Variants in SUN5 observed in about 807,000 individuals in gnomAD.
The protein encoded by SUN5 is SUN domain-containing protein 5.
A neutral mutation model predicts 53.7 loss-of-function variants in SUN5; 44 were observed. That is an observed-to-expected ratio of 0.82 (90% CI 0.64 to 1.05). The LOEUF (loss-of-function observed/expected upper bound fraction) is 1.05, where lower values mean the gene tolerates loss of function less well. SUN5 is among the 50% of genes least tolerant of loss of function. SUN5 has a pLI of 0.00. For synonymous variants in SUN5, 166 were observed against 179.8 expected (o/e 0.92, Z 0.62); for missense variants, 433 against 483.8 (o/e 0.90, Z 0.98).
At chr20:32,989,562 G>A (rs759541894) in intron 9 of SUN5, 58 bp downstream of exon 9, 10 of 1,495,732 alleles carry the variant, frequency 6.7e-6, no homozygotes, top group Non-Finnish European at 9.3e-6. Context: ...AACCCACCCT[G>A]TGTACAGCTT....
chr20:33,001,582 T>TTC (rs879423617), intron 3 of SUN5, among the ~76,000 whole-genome samples: 3,339 of 133,560 alleles, frequency 0.025, 175 homozygotes, highest in African/African-American at 0.098. Context: ...TTCCTTCCTT[T>TTC]CTTTCTTTTT....
chr20:32,985,008 G>A (rs1382311501), intron 12 of SUN5, 91 bp downstream of exon 12: 40 of 1,342,964 alleles, frequency 3.0e-5, no homozygotes, highest in African/African-American at 4.3e-5. Flanking sequence ...CACCTCCTGG[G>A]GATACTGGGG....
At chr20:33,003,573 A>G (rs1370433827) in intron 1 of SUN5, among the ~76,000 whole-genome samples, 1 of 152,130 alleles carries the variant, frequency 6.6e-6, no homozygotes, top group African/African-American at 2.4e-5. Context: ...GATATGTGAG[A>G]TTTAAAATTT....
At chr20:33,000,027 G>A (rs983238248) in intron 5 of SUN5, 47 bp downstream of exon 5, 1 of 1,588,694 alleles carries the variant, frequency 6.3e-7, no homozygotes, top group Non-Finnish European at 8.6e-7. Context: ...CAGTGCCAGG[G>A]CCCAGGGATA....
intron 5 of SUN5, among the ~76,000 whole-genome samples, chr20:32,998,175 CAAAAAAAAAAAA>C (rs35729664): frequency 8.4e-5 from 5 of 59,718 alleles, no homozygotes; most frequent in Admixed American, 2.4e-4. Context: ...CCCATCTCTA[CAAAAAAAAAAAA>C]AAAAAAAAAA....
intron 10 of SUN5, among the ~76,000 whole-genome samples, chr20:32,987,321 G>C (rs1159057176): frequency 6.6e-6 from 1 of 152,114 alleles, no homozygotes; most frequent in African/African-American, 2.4e-5. Flanking sequence ...GTAGTCCTGA[G>C]GTTTCTCTGA....
At chr20:32,996,382 G>A (rs1457899299) in intron 6 of SUN5, 24 bp from the exon 7 acceptor site, 2 of 1,608,922 alleles carry the variant, frequency 1.2e-6, no homozygotes, top group Non-Finnish European at 1.7e-6. Flanking sequence ...GAGAAAGTAA[G>A]GGGTCTCCTT....
Position 33,001,519 on chromosome 20 carries a change from C to CTTTCTTTTCTTTCTTTCTTTCTTTCT in SUN5, c.212-242_212-241insAGAAAGAAAGAAAGAAAGAAAAGAAA, listed in dbSNP as rs68051515. Among the ~76,000 whole-genome samples the CTTTCTTTTCTTTCTTTCTTTCTTTCT allele has an allele frequency of 5.4e-4, 66 of 121,398 alleles. 1 individual carries two copies. Among genetic ancestry groups the CTTTCTTTTCTTTCTTTCTTTCTTTCT allele is most frequent in the Middle Eastern group, 4.0e-3 (1 of 252 alleles). The allele number at this position is 121,398 out of a possible 152,430, so 79.6% of individuals were successfully genotyped here. A position where few individuals can be genotyped will look rare whatever the true frequency, so the allele number is the denominator to read the frequency against. On this transcript the variant is annotated intron_variant, in intron 3 of 12. Coordinates refer to ENST00000356173, the MANE Select transcript of SUN5 (RefSeq NM_080675.4). The stretch of plus-strand genomic sequence containing the variant: ...CAGTTAACAGACATTTTCTTTCTTT[C>CTTTCTTTTCTTTCTTTCTTTCTTTCT]TTCTTTCTTTCTTTCTTTCTTTCTT...
intron 9 of SUN5, among the ~76,000 whole-genome samples, chr20:32,989,177 G>C (rs900686750): frequency 6.6e-6 from 1 of 152,224 alleles, no homozygotes; most frequent in East Asian, 1.9e-4. Context: ...TGCCCGCCTT[G>C]GCCTCCCAAA....
Position 32,987,724 on chromosome 20 carries a change from G to T in SUN5, c.665C>A (p.Ala222Asp). The change falls in exon 10 of 13, where the codon GCC (alanine) becomes GAC (aspartate). Residue 222 changes from alanine (A) to aspartate (D), a missense_variant. Ala to Asp is a moderately radical substitution (Grantham distance 126). Transcript: ENST00000356173. ...CTGGATCCAGTTCCAGTAGGAGTGGGCCTTCTCATGGTTATAGGTGACTGA... is the reference window on the plus strand; with the variant it reads ...CTGGATCCAGTTCCAGTAGGAGTGGTCCTTCTCATGGTTATAGGTGACTGA... ...HTSVTYNHEKAHSYWNWIQLW... is the reference protein window; with the variant it reads ...HTSVTYNHEKDHSYWNWIQLW... 1 of 1,613,584 alleles carries T rather than the reference G, an allele frequency of 6.2e-7. No individual in the cohort carries two copies. Among genetic ancestry groups the T allele is most frequent in the East Asian group, 2.2e-5 (1 of 44,856 alleles).
chr20:33,002,928 G>T lies in SUN5; in HGVS notation c.78-9C>A. On this transcript the variant is annotated splice_polypyrimidine_tract_variant and intron_variant, in intron 1 of 12. Coordinates refer to ENST00000356173, the MANE Select transcript of SUN5 (RefSeq NM_080675.4). ...GGCCTCGCTGGGCAATCCTGGGGATGATAAGATTCATAGTCGCATTTTACA... is the reference window on the plus strand; with the variant it reads ...GGCCTCGCTGGGCAATCCTGGGGATTATAAGATTCATAGTCGCATTTTACA... The T allele has an allele frequency of 6.2e-7, 1 of 1,614,062 alleles. No individual in the cohort carries two copies. The highest frequency in any genetic ancestry group is 8.5e-7 in the Non-Finnish European group (1 of 1,179,956).
chr20:32,992,739 A>G (rs1479903443), intron 8 of SUN5, among the ~76,000 whole-genome samples: 2 of 152,216 alleles, frequency 1.3e-5, no homozygotes, highest in Non-Finnish European at 2.9e-5. Flanking sequence ...CCGACATATC[A>G]ATAAGAAATG....
chr20:32,985,467 G>A (rs1453426310), intron 11 of SUN5, among the ~76,000 whole-genome samples: 1 of 151,682 alleles, frequency 6.6e-6, no homozygotes, highest in Non-Finnish European at 1.5e-5. Flanking sequence ...ATAACGCTTC[G>A]GACCTTCTTA....
chr20:32,986,070 A>AG (rs538248249), intron 10 of SUN5, among the ~76,000 whole-genome samples, 167 bp from the exon 11 acceptor site: 92 of 152,200 alleles, frequency 6.0e-4, no homozygotes, highest in Middle Eastern at 3.4e-3. Context: ...CTACCCATGC[A>AG]GGGGGTAAGC....
Position 32,986,112 on chromosome 20 carries a change from C to T in SUN5, c.730-209G>A, listed in dbSNP as rs937911101. Among the ~76,000 whole-genome samples, 6 of 152,196 alleles carry T rather than the reference C, an allele frequency of 3.9e-5. No individual in the cohort carries two copies. The South Asian group carries it at 1.2e-3, about 32-fold the overall frequency. On this transcript the variant is annotated intron_variant, in intron 10 of 12. Transcript: ENST00000356173. ...TCAGTTCAATGCAGTAAGGGAGGGGCCTGCTTGGGACCTCCCAGCCTCCAC... is the reference window on the plus strand; with the variant it reads ...TCAGTTCAATGCAGTAAGGGAGGGGTCTGCTTGGGACCTCCCAGCCTCCAC...
chr20:32,997,569 G>T, intron 6 of SUN5, 69 bp downstream of exon 6: 1 of 1,552,692 alleles, frequency 6.4e-7, no homozygotes, highest in Non-Finnish European at 8.9e-7. Flanking sequence ...GAATGGAGCT[G>T]TGGAGGTGAT....
At chr20:32,998,175 C>CAAAAAAAAAAAAAA (rs35729664) in intron 5 of SUN5, among the ~76,000 whole-genome samples, 17 of 59,706 alleles carry the variant, frequency 2.8e-4, no homozygotes, top group East Asian at 5.4e-4. Flanking sequence ...CCCATCTCTA[C>CAAAAAAAAAAAAAA]AAAAAAAAAA....
At chr20:32,988,757 T>C (rs1377654757) in intron 9 of SUN5, among the ~76,000 whole-genome samples, 3 of 150,374 alleles carry the variant, frequency 2.0e-5, no homozygotes, top group South Asian at 2.1e-4. Flanking sequence ...CCCAGCTAAC[T>C]TTTGTATTTT....
At chr20:32,996,978 G>A (rs1989868440) in intron 6 of SUN5, among the ~76,000 whole-genome samples, 1 of 152,200 alleles carries the variant, frequency 6.6e-6, no homozygotes, top group East Asian at 1.9e-4. Flanking sequence ...AATAGGACCT[G>A]GCTCCTTCCT....
Sources: gnomAD v4.1 joint callset for allele counts (sites outside exome capture counted in the v4.1 genomes callset) on GRCh38, gnomAD v4.1.1 for gene constraint, MANE v1.5 for transcripts, NCBI Gene and HGNC (gene_info 2026-07-23, HGNC 2026-07-21) for gene names.